Variants in MCF2L2 observed in about 807,000 individuals in gnomAD.
MCF2L2 encodes the protein MCF.2 cell line derived transforming sequence-like 2.
MCF2L2 carries 102 observed loss-of-function variants against 150.2 expected under a neutral mutation model. The observed-to-expected ratio is 0.68, with a 90% CI of 0.58 to 0.80. MCF2L2 has a LOEUF of 0.80. Ranked by LOEUF, MCF2L2 falls within the 30% of genes least tolerant of loss-of-function variation. MCF2L2 has a pLI of 0.00. For synonymous variants in MCF2L2, 465 were observed against 491.3 expected (o/e 0.95, Z 0.71); for missense variants, 1,256 against 1,372.8 (o/e 0.91, Z 1.34).
At chr3:183,290,310 T>A (rs1728059910) in intron 13 of MCF2L2, among the ~76,000 whole-genome samples, 1 of 152,216 alleles carries the variant, frequency 6.6e-6, no homozygotes, top group South Asian at 2.1e-4. Flanking sequence ...TCAAGCTCCA[T>A]GGCCATTTGG....
Position 183,193,024 on chromosome 3 carries a change from C to G in MCF2L2, c.2991G>C (p.Pro997=), listed in dbSNP as rs535533413. The part of the protein sequence containing the change: ...MERATTSKED[P]ASSTGGIKGC... ...CTTTAATCCCTCCTGTGCTGGAGGC[C>G]GGGTCTTCCTTGCTAGTGGTAGCTC... The change falls in exon 27 of 30, where the codon CCG becomes CCC. Residue 997 remains proline, a synonymous_variant. Transcript: ENST00000328913. 2 of 1,614,098 alleles carry G rather than the reference C, an allele frequency of 1.2e-6. No individual in the cohort carries two copies. The highest frequency in any genetic ancestry group is 1.7e-6 in the Non-Finnish European group (2 of 1,179,982).
At chr3:183,274,377 TAC>T (rs775661913) in intron 15 of MCF2L2, among the ~76,000 whole-genome samples, 38 of 152,224 alleles carry the variant, frequency 2.5e-4, no homozygotes, top group Non-Finnish European at 4.6e-4. Flanking sequence ...CTGTCTGAAA[TAC>T]AGTCAATTTT....
At position 183,273,774 on chromosome 3, in the gene MCF2L2, G is replaced by C. The variant is rs1486544810; in HGVS notation, c.1862+3098C>G. ...ACTTTCCATTGTCTTACAATTGCCT[G>C]CAGTATTCAGTACAGCAACATGCTG... On this transcript the variant is annotated intron_variant, in intron 15 of 29. Transcript: ENST00000328913. Among the ~76,000 whole-genome samples the C allele has an allele frequency of 2.0e-5, 3 of 152,136 alleles. No individual in the cohort carries two copies. The East Asian group carries it at 5.8e-4, about 29-fold the overall frequency.
At chr3:183,315,726 C>G (rs1729577087) in intron 7 of MCF2L2, among the ~76,000 whole-genome samples, 1 of 152,178 alleles carries the variant, frequency 6.6e-6, no homozygotes, top group African/African-American at 2.4e-5. Context: ...CTGCAGAACT[C>G]TTTGCCTGTG....
Position 183,207,703 on chromosome 3 carries a change from A to C in MCF2L2, c.2617T>G (p.Tyr873Asp). 6.2e-7 allele frequency: 1 copy of C among 1,614,122 alleles called. No homozygotes were observed. Among genetic ancestry groups the C allele is most frequent in the Non-Finnish European group, 8.5e-7 (1 of 1,179,938 alleles). ...AACACTATTCCCCTTTCAAATAGGT[A>C]GATTTGCCTCTGGCTGGGTTTAAAT... ...IRFKPSQRQI[Y>D]LFERGIVFCK... The change falls in exon 23 of 30, where the codon TAC (tyrosine) becomes GAC (aspartate). Residue 873 changes from tyrosine (Y) to aspartate (D), a missense_variant. Physicochemically the swap from Tyr to Asp is radical, Grantham distance 160. Transcript: ENST00000328913.
rs1421152251 is a variant in MCF2L2 at position 183,270,041 on chromosome 3, A to G, written c.1862+6831T>C. The G allele has an allele frequency of 1.2e-6, 2 of 1,614,166 alleles. No homozygotes were observed. The highest frequency in any genetic ancestry group is 3.3e-5 in the Admixed American group (2 of 60,010). ...ACCAATACTTGATTAACCACAAGGA[A>G]AAGTGTCAAGCTCAAGACGTCCTCC... On this transcript the variant is annotated intron_variant, in intron 15 of 29. Transcript: ENST00000328913. This position sits in a 1 kb window ranked among gnomAD's most constrained non-coding sequence, Gnocchi z 4.5.
intron 3 of MCF2L2, among the ~76,000 whole-genome samples, chr3:183,364,291 C>T (rs768933404): frequency 1.3e-4 from 20 of 151,776 alleles, no homozygotes; most frequent in Admixed American, 2.0e-4. Context: ...GCGAGGCGGG[C>T]GGATCACAAG....
intron 14 of MCF2L2, among the ~76,000 whole-genome samples, chr3:183,277,622 C>CAGCTCTAAAACAA: frequency 6.6e-6 from 1 of 151,586 alleles, no homozygotes; most frequent in South Asian, 2.1e-4. Flanking sequence ...TTTGCCAATT[C>CAGCTCTAAAACAA]AGCTCTAAAA....
intron 3 of MCF2L2, among the ~76,000 whole-genome samples, chr3:183,345,782 C>T (rs1307649993): frequency 1.3e-5 from 2 of 152,188 alleles, no homozygotes; most frequent in East Asian, 1.9e-4. Flanking sequence ...TCAGAGAATA[C>T]TATAAACACC....
intron 3 of MCF2L2, among the ~76,000 whole-genome samples, chr3:183,364,408 T>C (rs1032716138): frequency 8.6e-5 from 13 of 151,992 alleles, no homozygotes; most frequent in African/African-American, 3.1e-4. Flanking sequence ...TAGTCCCAGC[T>C]ACTCAGGAGG....
At chr3:183,417,476 T>C (rs1428357784) in intron 1 of MCF2L2, among the ~76,000 whole-genome samples, 2 of 152,172 alleles carry the variant, frequency 1.3e-5, no homozygotes, top group Non-Finnish European at 2.9e-5. Flanking sequence ...GTTAAAAGAA[T>C]GAAGAAATAT....
intron 10 of MCF2L2, among the ~76,000 whole-genome samples, chr3:183,300,940 G>A (rs991558766): frequency 6.6e-5 from 10 of 151,190 alleles, no homozygotes; most frequent in South Asian, 4.2e-4. Context: ...GCTTGAACCC[G>A]GGAGGCGGAG....
At chr3:183,231,172 C>T (rs886169610) in intron 15 of MCF2L2, 155 bp from the exon 16 acceptor site, 2 of 696,908 alleles carry the variant, frequency 2.9e-6, no homozygotes, top group Non-Finnish European at 2.6e-6. Flanking sequence ...TTCTATTGAA[C>T]ACCCAAGGTC....
chr3:183,300,240 T>C (rs762722999), intron 10 of MCF2L2, 44 bp from the exon 11 acceptor site: 1 of 1,541,574 alleles, frequency 6.5e-7, no homozygotes, highest in South Asian at 1.2e-5. Flanking sequence ...AGTCAGAGCA[T>C]CATGAGGCTG....
rs552719974 is a variant in MCF2L2 at position 183,183,053 on chromosome 3, T to C, written c.3017-2894A>G. Among the ~76,000 whole-genome samples, 57 of 152,300 alleles carry C rather than the reference T, an allele frequency of 3.7e-4. 1 individual carries two copies. Among genetic ancestry groups the C allele is most frequent in the African/African-American group, 1.3e-3 (53 of 41,566 alleles). Reference sequence around the variant, plus strand: ...GCTTGTCACCCAGGTTGGAGTGCAGTTGTGTGATCACGGCTCACTGCAGCC... The same window carrying C: ...GCTTGTCACCCAGGTTGGAGTGCAGCTGTGTGATCACGGCTCACTGCAGCC... On this transcript the variant is annotated intron_variant, in intron 27 of 29. Coordinates refer to ENST00000328913, the MANE Select transcript of MCF2L2 (RefSeq NM_015078.4).
chr3:183,298,635 G>C (rs1728662163), intron 11 of MCF2L2: 1 of 151,912 alleles, frequency 6.6e-6, no homozygotes, highest in Non-Finnish European at 1.5e-5. Flanking sequence ...GATATATGCT[G>C]TGAAAACTTT....
At chr3:183,253,340 T>C (rs1443887075) in intron 15 of MCF2L2, 1 of 152,170 alleles carries the variant, frequency 6.6e-6, no homozygotes, top group Admixed American at 6.5e-5. Flanking sequence ...CCGCAAGTTT[T>C]GTTCTTGAGA....
At chr3:183,334,785 C>T (rs1246749323) in intron 5 of MCF2L2, among the ~76,000 whole-genome samples, 1 of 118,640 alleles carries the variant, frequency 8.4e-6, no homozygotes, top group African/African-American at 3.8e-5. Flanking sequence ...AAGAGCAAAA[C>T]TCCATTTCAA....
chr3:183,395,839 A>C (rs1020804998), intron 1 of MCF2L2, among the ~76,000 whole-genome samples: 9 of 148,328 alleles, frequency 6.1e-5, no homozygotes, highest in Non-Finnish European at 3.0e-5. Flanking sequence ...AATTGCTTGA[A>C]CCTGGGAGGC....
Sources: gnomAD v4.1 joint callset for allele counts (sites outside exome capture counted in the v4.1 genomes callset) on GRCh38, gnomAD v4.1.1 for gene constraint, Gnocchi (gnomAD v3.1) non-coding constraint, MANE v1.5 for transcripts, NCBI Gene and HGNC (gene_info 2026-07-23, HGNC 2026-07-21) for gene names.